LEKR1: variants seen among roughly 807,000 people sequenced by gnomAD.
The protein encoded by LEKR1 is leucine, glutamate and lysine rich 1.
A neutral mutation model predicts 72.4 loss-of-function variants in LEKR1; 59 were observed. The ratio of observed to expected loss-of-function variants is 0.82; its 90% confidence interval spans 0.66 to 1.01. LEKR1 has a LOEUF of 1.01. LEKR1 is among the 50% of genes least tolerant of loss of function. LEKR1 has a pLI of 0.00. For synonymous variants in LEKR1, 257 were observed against 263.2 expected, an observed-to-expected ratio of 0.98 and a Z score of 0.23; for missense variants, 728 against 759.2, an observed-to-expected ratio of 0.96 and a Z score of 0.48.
intron 7 of LEKR1, among the ~76,000 whole-genome samples, chr3:156,990,388 C>T (rs1291496477): frequency 6.6e-6 from 1 of 152,082 alleles, no homozygotes; most frequent in South Asian, 2.1e-4. Flanking sequence ...GGTTTGTTCT[C>T]TTTCGATTAA....
At chr3:156,981,081 T>G (rs762796932) in intron 7 of LEKR1, among the ~76,000 whole-genome samples, 20 of 152,198 alleles carry the variant, frequency 1.3e-4, no homozygotes, top group Non-Finnish European at 1.9e-4. Flanking sequence ...ATTCAATACA[T>G]TAGCATTCTG....
At chr3:156,999,752 C>G (rs1731868574) in intron 9 of LEKR1, among the ~76,000 whole-genome samples, 2 of 152,150 alleles carry the variant, frequency 1.3e-5, no homozygotes, top group Admixed American at 6.5e-5. Context: ...GAAGCCATTT[C>G]CAAATTTGCA....
Position 156,947,387 on chromosome 3 carries a change from A to G in LEKR1, c.745+4673A>G, listed in dbSNP as rs568369231. Among the ~76,000 whole-genome samples the G allele has an allele frequency of 3.3e-5, 5 of 151,346 alleles. No homozygotes were observed. The South Asian group carries it at 8.3e-4, about 25-fold the overall frequency. On this transcript the variant is annotated intron_variant, in intron 6 of 12. Transcript: ENST00000356539. Reference sequence around the variant, plus strand: ...CCTTTTCTCACTACATAGAACTACTATCTGTTGTATGTTAAAATTTTAATA... The same window carrying G: ...CCTTTTCTCACTACATAGAACTACTGTCTGTTGTATGTTAAAATTTTAATA...
At chr3:156,849,807 A>G (rs1397775180) in intron 2 of LEKR1, among the ~76,000 whole-genome samples, 1 of 152,184 alleles carries the variant, frequency 6.6e-6, no homozygotes, top group Non-Finnish European at 1.5e-5. Flanking sequence ...TAAAAACCCT[A>G]GAAGAAAACC....
At chr3:156,984,359 G>C (rs1730491633) in intron 7 of LEKR1, among the ~76,000 whole-genome samples, 1 of 152,290 alleles carries the variant, frequency 6.6e-6, no homozygotes, top group Non-Finnish European at 1.5e-5. Context: ...CTGTCACTAA[G>C]AATATGTCTA....
At chr3:156,850,354 G>A (rs953611763) in intron 2 of LEKR1, among the ~76,000 whole-genome samples, 3 of 152,014 alleles carry the variant, frequency 2.0e-5, no homozygotes, top group Non-Finnish European at 4.4e-5. Flanking sequence ...AGTATTGGTC[G>A]CAAGGAATAT....
chr3:156,897,330 CTG>C (rs1576767997), intron 3 of LEKR1, among the ~76,000 whole-genome samples: 2 of 152,246 alleles, frequency 1.3e-5, no homozygotes, highest in South Asian at 2.1e-4. Context: ...GGGTCAAACT[CTG>C]TAAGATTTTG....
intron 3 of LEKR1, among the ~76,000 whole-genome samples, chr3:156,853,766 T>C (rs1715682633): frequency 1.3e-5 from 2 of 152,006 alleles, no homozygotes; most frequent in Non-Finnish European, 2.9e-5. Flanking sequence ...TATTTCTTAG[T>C]TTTTTACCAA....
intron 3 of LEKR1, among the ~76,000 whole-genome samples, chr3:156,875,322 T>C (rs1034190006): frequency 2.0e-4 from 30 of 152,338 alleles, no homozygotes; most frequent in African/African-American, 7.2e-4. Context: ...TTGTATATCT[T>C]ATTTTGAGAA....
At chr3:156,896,139 T>C (rs1309306747) in intron 3 of LEKR1, among the ~76,000 whole-genome samples, 4 of 151,974 alleles carry the variant, frequency 2.6e-5, no homozygotes, top group African/African-American at 9.7e-5. Flanking sequence ...TTCTCACTTA[T>C]AAGAGGGAGC....
At position 156,920,655 on chromosome 3, in the gene LEKR1, A is replaced by G. The variant is rs1381713597; in HGVS notation, c.344A>G (p.Asp115Gly). 2.1e-6 allele frequency: 3 copies of G among 1,445,400 alleles called. No homozygotes were observed. Among genetic ancestry groups the G allele is most frequent in the Non-Finnish European group, 1.9e-6 (2 of 1,070,704 alleles). 89.5% of individuals were successfully genotyped at this position (1,445,400 alleles called of 1,614,324 possible). The change falls in exon 4 of 13, where the codon GAT (aspartate) becomes GGT (glycine). Residue 115 changes from aspartate to glycine, a missense_variant. Coordinates refer to ENST00000356539, the MANE Select transcript of LEKR1 (RefSeq NM_001004316.3). ...KVKKQLSHLQ[D>G]ELKIKYRQSY... is the part of the protein sequence containing the mutation. ...AAGAAACAACTGAGTCATTTGCAAGATGAGCTAAAAATTAAATATAGACAA... is the reference window on the plus strand; with the variant it reads ...AAGAAACAACTGAGTCATTTGCAAGGTGAGCTAAAAATTAAATATAGACAA...
intron 10 of LEKR1, among the ~76,000 whole-genome samples, chr3:157,021,852 G>T (rs1733857191): frequency 1.3e-5 from 2 of 151,986 alleles, no homozygotes; most frequent in African/African-American, 2.4e-5. Flanking sequence ...TAATATTTAA[G>T]AACTATGTGA....
chr3:156,970,418 G>C (rs916191344), intron 6 of LEKR1, among the ~76,000 whole-genome samples: 2 of 152,176 alleles, frequency 1.3e-5, no homozygotes, highest in Non-Finnish European at 2.9e-5. Flanking sequence ...CCTATGTCCT[G>C]AATGGTAATG....
intron 12 of LEKR1, among the ~76,000 whole-genome samples, chr3:157,030,229 A>T (rs896345685): frequency 6.6e-6 from 1 of 152,182 alleles, no homozygotes; most frequent in Non-Finnish European, 1.5e-5. Context: ...CACCAAGGGG[A>T]TGGTGCTAAG....
At chr3:156,848,178 TC>T (rs1401153873) in intron 2 of LEKR1, among the ~76,000 whole-genome samples, 1 of 152,198 alleles carries the variant, frequency 6.6e-6, no homozygotes, top group African/African-American at 2.4e-5. Flanking sequence ...ATCCATCTGT[TC>T]CTAATTAGTT....
chr3:157,025,807 C>A (rs1734143553), intron 11 of LEKR1, among the ~76,000 whole-genome samples: 1 of 151,778 alleles, frequency 6.6e-6, no homozygotes, highest in Admixed American at 6.6e-5. Context: ...AAGAGGATCA[C>A]TTGAGGCCAG....
At chr3:156,955,750 T>C (rs1408329273) in intron 6 of LEKR1, among the ~76,000 whole-genome samples, 2 of 152,022 alleles carry the variant, frequency 1.3e-5, no homozygotes, top group Non-Finnish European at 2.9e-5. Context: ...AGTTTGCCAA[T>C]ATTTAATGAG....
chr3:157,031,629 G>A (rs1160918389), intron 12 of LEKR1, among the ~76,000 whole-genome samples: 2 of 152,106 alleles, frequency 1.3e-5, no homozygotes, highest in Non-Finnish European at 2.9e-5. Context: ...AAAGTGAAAA[G>A]CACCACTTTT....
At chr3:156,955,491 T>C (rs576870146) in intron 6 of LEKR1, among the ~76,000 whole-genome samples, 43 of 152,222 alleles carry the variant, frequency 2.8e-4, no homozygotes, top group Non-Finnish European at 5.1e-4. Flanking sequence ...TTGTCATATA[T>C]GGCTCTTATT....
Sources: gnomAD v4.1 joint callset for allele counts (sites outside exome capture counted in the v4.1 genomes callset) on GRCh38, gnomAD v4.1.1 for gene constraint, MANE v1.5 for transcripts, NCBI Gene and HGNC (gene_info 2026-07-23, HGNC 2026-07-21) for gene names.